TENT4B: variants seen among roughly 807,000 people sequenced by gnomAD.
TENT4B encodes terminal nucleotidyltransferase 4B.
Under a neutral mutation model 75.0 loss-of-function variants are expected in TENT4B, and 10 were observed. That is an observed-to-expected ratio of 0.13 (90% CI 0.08 to 0.23). TENT4B has a LOEUF of 0.23. TENT4B is among the 10% of genes least tolerant of loss of function. The pLI, the probability that TENT4B is intolerant of heterozygous loss-of-function variation, is 1.00. For missense variants in TENT4B, 579 were observed against 893.8 expected (o/e 0.65, Z 4.49); for synonymous variants, 350 against 357.7 (o/e 0.98, Z 0.24).
At chr16:50,218,061 C>T (rs2031656008) in intron 5 of TENT4B, among the ~76,000 whole-genome samples, 2 of 151,824 alleles carry the variant, frequency 1.3e-5, no homozygotes, top group Admixed American at 1.3e-4. Flanking sequence ...TCAGCCTGCA[C>T]CTTACTTTTG....
At chr16:50,201,406 G>A (rs62032362) in intron 1 of TENT4B, among the ~76,000 whole-genome samples, 3,069 of 151,934 alleles carry the variant, frequency 0.02, 110 homozygotes, top group African/African-American at 0.071. Flanking sequence ...GCGTGGTGGC[G>A]CATGTCAGTA....
chr16:50,231,904 C>G lies in TENT4B; in HGVS notation c.*2576C>G. 4.1e-6 allele frequency: 4 copies of G among 978,826 alleles called. No individual in the cohort carries two copies. The highest frequency in any genetic ancestry group is 4.9e-6 in the Non-Finnish European group (4 of 823,926). The allele number at this position is 978,826 out of a possible 1,614,324, so 60.6% of individuals were successfully genotyped here. On this transcript the variant is annotated 3_prime_UTR_variant, in exon 12 of 12. Coordinates refer to ENST00000561678, the MANE Select transcript of TENT4B (RefSeq NM_001365324.3). ...CTTATTTCTTTTTTGAGTTTTAATA[C>G]TTCCTATATTTTGTGAATATATCAG...
At chr16:50,158,186 G>A (rs376512233) in intron 1 of TENT4B, among the ~76,000 whole-genome samples, 1 of 152,020 alleles carries the variant, frequency 6.6e-6, no homozygotes, top group Admixed American at 6.6e-5. Flanking sequence ...TCCCAGGTTC[G>A]AGCAATTCTC....
At chr16:50,155,268 C>CATGGGTGTGTGT (rs1555506859) in intron 1 of TENT4B, among the ~76,000 whole-genome samples, 1 of 30,080 alleles carries the variant, frequency 3.3e-5, no homozygotes, top group Admixed American at 3.6e-4. Flanking sequence ...TTTTGGGTCT[C>CATGGGTGTGTGT]GTGGGTGTGT....
At chr16:50,208,466 GGT>G (rs1227065040) in intron 1 of TENT4B, among the ~76,000 whole-genome samples, 1 of 152,126 alleles carries the variant, frequency 6.6e-6, no homozygotes, top group African/African-American at 2.4e-5. Context: ...TCTTTATGCT[GGT>G]AGTAACAGGA....
chr16:50,177,209 G>T lies in TENT4B; in HGVS notation c.638+22950G>T, dbSNP rs187467210. Among the ~76,000 whole-genome samples, 438 of 151,964 alleles carry T rather than the reference G, an allele frequency of 2.9e-3. 3 individuals carry two copies. The highest frequency in any genetic ancestry group is 0.01 in the African/African-American group (416 of 41,446). ...GTAGAGATGGGGTTTCACTATGTGGGCCAGGCTGGTCTTGAACTTCTGATC... is the reference window on the plus strand; with the variant it reads ...GTAGAGATGGGGTTTCACTATGTGGTCCAGGCTGGTCTTGAACTTCTGATC... On this transcript the variant is annotated intron_variant, in intron 1 of 11. Coordinates refer to ENST00000561678, the MANE Select transcript of TENT4B (RefSeq NM_001365324.3).
chr16:50,206,514 G>A (rs1362994353), intron 1 of TENT4B, among the ~76,000 whole-genome samples: 1 of 152,054 alleles, frequency 6.6e-6, no homozygotes, highest in Non-Finnish European at 1.5e-5. Flanking sequence ...CTTCAGTTAT[G>A]GAACTGGGAA....
chr16:50,231,934 G>A lies in TENT4B; in HGVS notation c.*2606G>A. ...TATATTTTGTGAATATATCAGAAAT[G>A]TGTCATTTATATATTAGAGTCCATT... On this transcript the variant is annotated 3_prime_UTR_variant, in exon 12 of 12. Transcript: ENST00000561678. The A allele has an allele frequency of 9.2e-6, 9 of 979,152 alleles. No individual in the cohort carries two copies. Among genetic ancestry groups the A allele is most frequent in the Non-Finnish European group, 1.1e-5 (9 of 824,302 alleles). 60.7% of individuals were successfully genotyped at this position (979,152 alleles called of 1,614,324 possible). A position where few individuals can be genotyped will look rare whatever the true frequency, so the allele number is the denominator to read the frequency against.
chr16:50,162,221 G>A (rs1008662517), intron 1 of TENT4B, among the ~76,000 whole-genome samples: 1 of 152,098 alleles, frequency 6.6e-6, no homozygotes, highest in Admixed American at 6.6e-5. Context: ...CATACCAGAA[G>A]GGTGGTTTCC....
rs770314654 is a variant in TENT4B, at chr16:50,225,226, A to T, written c.1741A>T (p.Asn581Tyr). Residue 581 changes from asparagine (N) to tyrosine (Y), a missense_variant, in exon 10 of 12, where the codon AAC (asparagine) becomes TAC (tyrosine). Asn to Tyr is a moderately radical substitution (Grantham distance 143, BLOSUM62 -2). This residue lies in a region of TENT4B where 164 missense variants were observed against 226.5 expected (regional missense o/e 0.72). Transcript: ENST00000561678. ...TSESLSKHSSNSSSGPVSSSS... is the reference protein window; with the variant it reads ...TSESLSKHSSYSSSGPVSSSS... ...GGAATCTCTTAGTAAACACTCTTCA[A>T]ACTCTTCATCAGGTCCAGTGTCGTC... 6.2e-7 allele frequency: 1 copy of T among 1,614,006 alleles called. No homozygotes were observed. Among genetic ancestry groups the T allele is most frequent in the South Asian group, 1.1e-5 (1 of 91,082 alleles).
intron 1 of TENT4B, among the ~76,000 whole-genome samples, chr16:50,181,733 G>A (rs2038420561): frequency 6.6e-6 from 1 of 152,098 alleles, no homozygotes; most frequent in African/African-American, 2.4e-5. Context: ...ATGTACATGT[G>A]CTGTGTCTTC....
intron 1 of TENT4B, among the ~76,000 whole-genome samples, chr16:50,203,675 GAGCATCCA>G (rs2150725431): frequency 6.6e-6 from 1 of 152,260 alleles, no homozygotes; most frequent in South Asian, 2.1e-4. Context: ...CACACTGTGT[GAGCATCCA>G]TTTTCTTGGA....
intron 1 of TENT4B, among the ~76,000 whole-genome samples, chr16:50,180,237 G>A (rs1028543900): frequency 2.0e-5 from 3 of 152,044 alleles, no homozygotes; most frequent in African/African-American, 4.8e-5. Context: ...CTGAGTAGCT[G>A]AGATTACAGG....
At chr16:50,177,753 T>C (rs1392244414) in intron 1 of TENT4B, among the ~76,000 whole-genome samples, 1 of 152,152 alleles carries the variant, frequency 6.6e-6, no homozygotes, top group Non-Finnish European at 1.5e-5. Context: ...ATTGGTTTTC[T>C]TCTGCTCACT....
intron 6 of TENT4B, among the ~76,000 whole-genome samples, chr16:50,222,858 A>G (rs2031891130): frequency 6.6e-6 from 1 of 152,190 alleles, no homozygotes; most frequent in Non-Finnish European, 1.5e-5. Context: ...TATGTGGCAC[A>G]GGGTTGCCAA....
chr16:50,209,420 T>C (rs2031160789), intron 1 of TENT4B, among the ~76,000 whole-genome samples: 1 of 152,272 alleles, frequency 6.6e-6, no homozygotes, highest in Non-Finnish European at 1.5e-5. Context: ...GAGAACATAA[T>C]CAAACCTGGG....
chr16:50,183,519 C>A (rs1260484125), intron 1 of TENT4B, among the ~76,000 whole-genome samples: 3 of 89,936 alleles, frequency 3.3e-5, no homozygotes, highest in African/African-American at 1.1e-4. Context: ...CACTTAAAAA[C>A]CCTTTTTTTT....
At chr16:50,195,238 A>G (rs2030150891) in intron 1 of TENT4B, among the ~76,000 whole-genome samples, 1 of 152,182 alleles carries the variant, frequency 6.6e-6, no homozygotes, top group Non-Finnish European at 1.5e-5. Flanking sequence ...TTTGAAAAAT[A>G]TGAGGTACCA....
rs577198541 is a variant in TENT4B, at chr16:50,202,225, G to A, written c.639-9098G>A. Among the ~76,000 whole-genome samples, 5 of 152,248 alleles carry A rather than the reference G, an allele frequency of 3.3e-5. No individual in the cohort carries two copies. In the East Asian group the frequency reaches 5.8e-4, roughly 18 times the overall value. On this transcript the variant is annotated intron_variant, in intron 1 of 11. Coordinates refer to ENST00000561678, the MANE Select transcript of TENT4B (RefSeq NM_001365324.3). Reference sequence around the variant, plus strand: ...ATGTAGGAGTCCTTGAATGTAAGGTGCCCCTTTGGTAGTTCTGTGCTTCTT... The same window carrying A: ...ATGTAGGAGTCCTTGAATGTAAGGTACCCCTTTGGTAGTTCTGTGCTTCTT...
Sources: gnomAD v4.1 joint callset for allele counts (sites outside exome capture counted in the v4.1 genomes callset) on GRCh38, gnomAD v4.1.1 for gene constraint, gnomAD v4.1.1 regional missense constraint, MANE v1.5 for transcripts, NCBI Gene and HGNC (gene_info 2026-07-23, HGNC 2026-07-21) for gene names.